The following JADE2 variants were observed in gnomAD, a reference collection of about 807,000 sequenced individuals.
JADE2 encodes E3 ubiquitin-protein ligase Jade-2.
Under a neutral mutation model 85.7 loss-of-function variants are expected in JADE2, and 13 were observed. That is an observed-to-expected ratio of 0.15 (90% confidence interval 0.10 to 0.24). The LOEUF (loss-of-function observed/expected upper bound fraction) is 0.24. Among genes scored for constraint, JADE2 ranks in the 10% least tolerant of loss-of-function variants. The probability of loss-of-function intolerance (pLI) is 1.00; values close to 1 mark genes in which losing one functional copy is unlikely to be tolerated. For synonymous variants in JADE2, 440 were observed against 456.1 expected, an observed-to-expected ratio of 0.96 and a Z score of 0.45; for missense variants, 846 against 1,115.9, an observed-to-expected ratio of 0.76 and a Z score of 3.45.
intron 1 of JADE2, among the ~76,000 whole-genome samples, chr5:134,527,397 C>G (rs969575343): frequency 1.3e-5 from 2 of 152,118 alleles, no homozygotes; most frequent in African/African-American, 4.8e-5. Context: ...GCTGTTCTGC[C>G]AGAGGATGGG....
chr5:134,563,592 G>T (rs1344366473), intron 7 of JADE2, among the ~76,000 whole-genome samples: 1 of 152,248 alleles, frequency 6.6e-6, no homozygotes, highest in East Asian at 1.9e-4. Context: ...CCCCACTCCA[G>T]TGTTGCCTGT....
At position 134,535,129 on chromosome 5, in the gene JADE2, C is replaced by T. The variant is rs117224510; in HGVS notation, c.1-729C>T. Among the ~76,000 whole-genome samples the T allele has an allele frequency of 5.3e-5, 8 of 152,312 alleles. No individual in the cohort carries two copies. The East Asian group carries it at 1.4e-3, about 26-fold the overall frequency. ...ATGATGTGGATAAAGGAAGACTCCGCGTGAGCTCAGTATGAGGCCCCTATG... is the reference window on the plus strand; with the variant it reads ...ATGATGTGGATAAAGGAAGACTCCGTGTGAGCTCAGTATGAGGCCCCTATG... On this transcript the variant is annotated intron_variant, in intron 1 of 11. Transcript: ENST00000681547.
chr5:134,559,317 G>T (rs375985871), intron 4 of JADE2, among the ~76,000 whole-genome samples: 13 of 152,322 alleles, frequency 8.5e-5, no homozygotes, highest in African/African-American at 3.1e-4. Flanking sequence ...CTGAGAGTAC[G>T]TAGACAACCC....
rs985755755 is a variant in JADE2 at position 134,578,316 on chromosome 5, C to T, written c.1682-178C>T. Among the ~76,000 whole-genome samples the T allele has an allele frequency of 3.3e-5, 5 of 152,178 alleles. No individual in the cohort carries two copies. The highest frequency in any genetic ancestry group is 1.2e-4 in the African/African-American group (5 of 41,448). ...TCTGGAGAGAAGCGTATAAGTAGTC[C>T]CTACTCTTTGGTGGTGTTGGCAGGA... On this transcript the variant is annotated intron_variant, in intron 11 of 11. Coordinates refer to ENST00000681547, the MANE Select transcript of JADE2 (RefSeq NM_001388185.1). This position sits in a 1 kb window ranked among gnomAD's most constrained non-coding sequence, Gnocchi z 4.4.
intron 3 of JADE2, among the ~76,000 whole-genome samples, chr5:134,543,492 G>T (rs1208080933): frequency 6.7e-6 from 1 of 150,314 alleles, no homozygotes; most frequent in Middle Eastern, 3.2e-3. Flanking sequence ...GGCCAACATG[G>T]TGAAACCCTG....
chr5:134,525,660 A>G, upstream of JADE2: 1 of 1,206,476 alleles, frequency 8.3e-7, no homozygotes, highest in Middle Eastern at 2.3e-4. Flanking sequence ...GTCTTGGTTT[A>G]AAAAGAAACA....
chr5:134,556,150 C>G (rs1196256062), intron 4 of JADE2, among the ~76,000 whole-genome samples: 2 of 152,218 alleles, frequency 1.3e-5, no homozygotes, highest in South Asian at 2.1e-4. Context: ...CGCTGAGTCA[C>G]AGCTTCTGGC....
chr5:134,568,163 G>T (rs1245859484), intron 9 of JADE2, among the ~76,000 whole-genome samples: 7 of 152,168 alleles, frequency 4.6e-5, no homozygotes, highest in Non-Finnish European at 7.3e-5. Flanking sequence ...GAGGTCAAGG[G>T]CTTGACTCAC....
chr5:134,528,202 G>A (rs971871308), intron 1 of JADE2, among the ~76,000 whole-genome samples: 1 of 152,118 alleles, frequency 6.6e-6, no homozygotes, highest in Admixed American at 6.5e-5. Context: ...CCCTCCTCTC[G>A]GAGTGGCATT....
chr5:134,535,724 G>T, intron 1 of JADE2, 134 bp from the exon 2 acceptor site: 1 of 725,196 alleles, frequency 1.4e-6, no homozygotes, highest in South Asian at 1.7e-5. Flanking sequence ...CAGAGAAGAA[G>T]GCTAGGACAG....
At chr5:134,572,891 T>G (rs1395715283) in intron 9 of JADE2, among the ~76,000 whole-genome samples, 1 of 152,238 alleles carries the variant, frequency 6.6e-6, no homozygotes, top group Non-Finnish European at 1.5e-5. Flanking sequence ...CCAGCTGGCC[T>G]TGAGGCAGTC....
At chr5:134,577,009 A>G in intron 11 of JADE2, 113 bp downstream of exon 11, 1 of 1,299,190 alleles carries the variant, frequency 7.7e-7, no homozygotes, top group Non-Finnish European at 1.0e-6. Flanking sequence ...CTGAGGCTCA[A>G]GAGCGGTAAC....
chr5:134,530,304 G>T (rs183287724), intron 1 of JADE2, among the ~76,000 whole-genome samples: 1 of 152,374 alleles, frequency 6.6e-6, no homozygotes, highest in East Asian at 1.9e-4. Flanking sequence ...TTAGCGGTCT[G>T]CCTCAGACAG....
At chr5:134,568,741 C>G (rs997656068) in intron 9 of JADE2, among the ~76,000 whole-genome samples, 1 of 152,226 alleles carries the variant, frequency 6.6e-6, no homozygotes, top group African/African-American at 2.4e-5. Context: ...AAGCTGACCC[C>G]CATCAGCGGC....
intron 3 of JADE2, among the ~76,000 whole-genome samples, chr5:134,543,017 G>A (rs949311728): frequency 2.0e-5 from 3 of 150,342 alleles, no homozygotes; most frequent in South Asian, 4.2e-4. Flanking sequence ...ATGAGCCACC[G>A]CACCTGGCCA....
chr5:134,539,237 A>AT (rs561177989), intron 3 of JADE2, among the ~76,000 whole-genome samples: 1 of 151,406 alleles, frequency 6.6e-6, no homozygotes, highest in South Asian at 2.1e-4. Flanking sequence ...AATTTTTTGT[A>AT]TTTTTTTAGT....
At chr5:134,535,948 A>G in intron 2 of JADE2, 33 bp downstream of exon 2, 1 of 1,595,558 alleles carries the variant, frequency 6.3e-7, no homozygotes, top group Non-Finnish European at 8.6e-7. Context: ...CCTACAGGGA[A>G]AGCATTTGAA....
chr5:134,577,108 G>A (rs329326), intron 11 of JADE2: 423,152 of 547,314 alleles, frequency 0.77, 167,704 homozygotes, highest in Admixed American at 0.85. Context: ...GAAATGCCCC[G>A]TCTGTAGACC....
At chr5:134,573,552 G>A in intron 9 of JADE2, 93 bp from the exon 10 acceptor site, 1 of 845,440 alleles carries the variant, frequency 1.2e-6, no homozygotes, top group South Asian at 1.3e-5. Flanking sequence ...CTGTGCCCCT[G>A]GCACTGCCTC....
Sources: gnomAD v4.1 joint callset for allele counts (sites outside exome capture counted in the v4.1 genomes callset) on GRCh38, gnomAD v4.1.1 for gene constraint, Gnocchi (gnomAD v3.1) non-coding constraint, MANE v1.5 for transcripts, NCBI Gene and HGNC (gene_info 2026-07-23, HGNC 2026-07-21) for gene names.